GRM7: variants seen among roughly 807,000 people sequenced by gnomAD.
GRM7 encodes the protein glutamate metabotropic receptor 7, also known as metabotropic glutamate receptor 7.
GRM7 carries 35 observed loss-of-function variants against 84.5 expected under a neutral mutation model. The ratio of observed to expected loss-of-function variants is 0.41; its 90% CI spans 0.32 to 0.55. The LOEUF (loss-of-function observed/expected upper bound fraction) is 0.55, where lower values mean the gene tolerates loss of function less well. GRM7 is among the 20% of genes least tolerant of loss of function. GRM7 has a pLI of 0.19. For synonymous variants in GRM7, 487 were observed against 455.1 expected, an observed-to-expected ratio of 1.07 and a Z score of -0.89; for missense variants, 1,003 against 1,194.6, an observed-to-expected ratio of 0.84 and a Z score of 2.36.
At chr3:7,248,488 T>G (rs2124933812) in intron 2 of GRM7, among the ~76,000 whole-genome samples, 1 of 152,318 alleles carries the variant, frequency 6.6e-6, no homozygotes, top group South Asian at 2.1e-4. Flanking sequence ...AGGGACTTTT[T>G]TGGATGACAG....
chr3:7,482,742 G>A (rs1019057251), intron 7 of GRM7, among the ~76,000 whole-genome samples: 1 of 152,120 alleles, frequency 6.6e-6, no homozygotes, highest in African/African-American at 2.4e-5. Context: ...ATTTTAAGTA[G>A]GAAAAGTGGG....
intron 9 of GRM7, among the ~76,000 whole-genome samples, chr3:7,690,205 C>A (rs1208839176): frequency 6.6e-6 from 1 of 152,044 alleles, no homozygotes; most frequent in Non-Finnish European, 1.5e-5. Flanking sequence ...CAGGAAGCAG[C>A]CTGAGGGTAG....
chr3:7,575,947 A>G (rs191573072), intron 7 of GRM7, among the ~76,000 whole-genome samples: 6 of 152,320 alleles, frequency 3.9e-5, no homozygotes, highest in Admixed American at 1.3e-4. Context: ...CTGGCTGTAA[A>G]GTATTACATA....
rs1360141825 is a variant in GRM7 at position 6,861,170 on chromosome 3, G to A, written c.-219G>A. On this transcript the variant is annotated 5_prime_UTR_variant, in exon 1 of 10. Coordinates refer to ENST00000357716, the MANE Select transcript of GRM7 (RefSeq NM_000844.4). The surrounding 1 kb of genome is among the most constrained non-coding windows in gnomAD (Gnocchi z 6.4). The stretch of plus-strand genomic sequence containing the variant: ...AAGCCGGTGAGCGCGAGCGCGGCGC[G>A]CCGGCCGGCTAACCCGAGAGCGCGA... 4 of 437,216 alleles carry A rather than the reference G, an allele frequency of 9.1e-6. No individual in the cohort carries two copies. The highest frequency in any genetic ancestry group is 5.8e-5 in the South Asian group (1 of 17,342). The allele number at this position is 437,216 out of a possible 1,614,324, so 27.1% of individuals were successfully genotyped here. A position where few individuals can be genotyped will look rare whatever the true frequency, so the allele number is the denominator to read the frequency against.
At chr3:7,634,773 G>A (rs1279139956) in intron 8 of GRM7, among the ~76,000 whole-genome samples, 5 of 145,692 alleles carry the variant, frequency 3.4e-5, no homozygotes, top group African/African-American at 7.7e-5. Flanking sequence ...CAGCCTGGGC[G>A]ACAGAGTGAG....
intron 7 of GRM7, among the ~76,000 whole-genome samples, chr3:7,523,003 A>G (rs1239557): frequency 0.61 from 93,394 of 151,976 alleles, 29,747 homozygotes; most frequent in African/African-American, 0.79. Context: ...GAAAGAAAGA[A>G]GACTCCTGTA....
At chr3:7,340,953 C>A (rs1701614662) in intron 4 of GRM7, among the ~76,000 whole-genome samples, 1 of 152,096 alleles carries the variant, frequency 6.6e-6, no homozygotes, top group Non-Finnish European at 1.5e-5. Context: ...TTGTACCTGG[C>A]ACCTGCAGAG....
chr3:7,095,065 G>T (rs6767228), intron 1 of GRM7, among the ~76,000 whole-genome samples: 4,949 of 151,556 alleles, frequency 0.033, 272 homozygotes, highest in African/African-American at 0.11. Context: ...ATGTTCTTAG[G>T]TTGCTATAAT....
intron 4 of GRM7, among the ~76,000 whole-genome samples, chr3:7,382,121 T>G (rs1450116079): frequency 1.3e-5 from 2 of 152,190 alleles, no homozygotes; most frequent in Non-Finnish European, 2.9e-5. Flanking sequence ...TTTCTCTCTG[T>G]CTCTAAAAAA....
Position 7,511,224 on chromosome 3 carries a change from G to A in GRM7, c.1515+49502G>A, listed in dbSNP as rs183205252. 3.2e-4 allele frequency among the ~76,000 whole-genome samples: 48 copies of A among 152,284 alleles called. No homozygotes were observed. In the East Asian group the frequency reaches 8.7e-3, roughly 28 times the overall value. On this transcript the variant is annotated intron_variant, in intron 7 of 9. Coordinates refer to ENST00000357716, the MANE Select transcript of GRM7 (RefSeq NM_000844.4). ...ACATGCCTGGCCCTCGACTATAGGG[G>A]TTGTGGGGAAGGAACCTTGATTAAG... is the stretch of plus-strand genomic sequence containing the variant.
chr3:7,593,484 A>G lies in GRM7; in HGVS notation c.2451+14127A>G, dbSNP rs533645507. 3.6e-4 allele frequency among the ~76,000 whole-genome samples: 55 copies of G among 152,358 alleles called. 1 individual carries two copies. Among genetic ancestry groups the G allele is most frequent in the Admixed American group, 1.5e-3 (23 of 15,300 alleles). On this transcript the variant is annotated intron_variant, in intron 8 of 9. Coordinates refer to ENST00000357716, the MANE Select transcript of GRM7 (RefSeq NM_000844.4). Reference sequence around the variant, plus strand: ...GCAAACAAACAAATAGAAAATGACAAGAAGACATAGGAAAGGTAGAGGAAG... The same window carrying G: ...GCAAACAAACAAATAGAAAATGACAGGAAGACATAGGAAAGGTAGAGGAAG...
intron 1 of GRM7, among the ~76,000 whole-genome samples, chr3:6,881,140 T>C (rs926254877): frequency 6.6e-6 from 1 of 152,162 alleles, no homozygotes; most frequent in African/African-American, 2.4e-5. Flanking sequence ...TTTCTTTTAA[T>C]TTTTATTTTT....
At chr3:6,912,046 A>G (rs1180347103) in intron 1 of GRM7, among the ~76,000 whole-genome samples, 1 of 152,172 alleles carries the variant, frequency 6.6e-6, no homozygotes, top group African/African-American at 2.4e-5. Flanking sequence ...TCTCCCAACC[A>G]TGTTCCAAAG....
intron 4 of GRM7, among the ~76,000 whole-genome samples, chr3:7,325,372 G>A (rs1700943409): frequency 6.6e-6 from 1 of 152,188 alleles, no homozygotes; most frequent in Admixed American, 6.5e-5. Context: ...TGCATTTACT[G>A]AATCACTTGC....
chr3:7,422,091 C>T (rs980516997), intron 5 of GRM7, among the ~76,000 whole-genome samples: 3 of 151,852 alleles, frequency 2.0e-5, no homozygotes, highest in African/African-American at 7.3e-5. Flanking sequence ...TGAGACCTTG[C>T]CTCAAACACT....
chr3:7,170,265 G>C (rs1694941651), intron 2 of GRM7, among the ~76,000 whole-genome samples: 1 of 152,126 alleles, frequency 6.6e-6, no homozygotes, highest in Non-Finnish European at 1.5e-5. Context: ...GTGGGTATTG[G>C]GTGGTTCATG....
chr3:7,334,277 G>A (rs993589873), intron 4 of GRM7, among the ~76,000 whole-genome samples: 2 of 152,098 alleles, frequency 1.3e-5, no homozygotes, highest in Non-Finnish European at 2.9e-5. Context: ...CTCCAAGCAG[G>A]AAGGGATTGG....
intron 4 of GRM7, among the ~76,000 whole-genome samples, chr3:7,410,936 A>G (rs1695910210): frequency 6.6e-6 from 1 of 152,174 alleles, no homozygotes; most frequent in East Asian, 1.9e-4. Flanking sequence ...CCAGAAATCC[A>G]AAGTCAAGGT....
intron 2 of GRM7, among the ~76,000 whole-genome samples, chr3:7,237,260 G>C (rs993357478): frequency 1.3e-5 from 2 of 152,146 alleles, no homozygotes; most frequent in African/African-American, 4.8e-5. Flanking sequence ...AATTTCAGCA[G>C]TTGCCTTGAG....
Sources: gnomAD v4.1 joint callset for allele counts (sites outside exome capture counted in the v4.1 genomes callset) on GRCh38, gnomAD v4.1.1 for gene constraint, Gnocchi (gnomAD v3.1) non-coding constraint, MANE v1.5 for transcripts, NCBI Gene and HGNC (gene_info 2026-07-23, HGNC 2026-07-21) for gene names.